Variants in ARL13B observed in about 807,000 individuals in gnomAD.
The protein encoded by ARL13B is ARF like GTPase 13B.
In ARL13B, 36 loss-of-function variants were observed where a neutral mutation model predicts 56.1. The observed-to-expected ratio is 0.64, with a 90% confidence interval of 0.49 to 0.85. The LOEUF (loss-of-function observed/expected upper bound fraction) is 0.85. Ranked by LOEUF, ARL13B falls within the 40% of genes least tolerant of loss-of-function variation. The pLI, the probability that ARL13B is intolerant of heterozygous loss-of-function variation, is 0.00. For missense variants in ARL13B, 519 were observed against 507.1 expected, an observed-to-expected ratio of 1.02 and a Z score of -0.23; for synonymous variants, 178 against 171.1, an observed-to-expected ratio of 1.04 and a Z score of -0.32.
intron 1 of ARL13B, 137 bp from the exon 2 acceptor site, chr3:93,995,737 A>T (rs933933915): frequency 1.4e-6 from 1 of 715,070 alleles, no homozygotes; most frequent in Non-Finnish European, 2.4e-6. Flanking sequence ...TCATCATTGT[A>T]CTCCCTAGCA....
In ARL13B at chr3:94,054,621, T is replaced by G. The variant is rs1163113786; in HGVS notation, c.*1358T>G. The G allele has an allele frequency of 1.1e-5, 4 of 376,226 alleles. No individual in the cohort carries two copies. The highest frequency in any genetic ancestry group is 3.7e-5 in the Admixed American group (1 of 27,222). 23.3% of individuals were successfully genotyped at this position (376,226 alleles called of 1,614,324 possible). ...ATAACATTAAGTACATTTTATGTCG[T>G]TTAATATAATTATTTACTTTAAAAA... On this transcript the variant is annotated 3_prime_UTR_variant, in exon 10 of 10. Transcript: ENST00000394222.
chr3:94,030,351 C>T (rs1003274597), intron 3 of ARL13B, among the ~76,000 whole-genome samples: 6 of 151,576 alleles, frequency 4.0e-5, no homozygotes, highest in African/African-American at 1.2e-4. Context: ...CTCAGCCTCC[C>T]GAGTAGCTGG....
chr3:94,009,214 G>T (rs2076183344), intron 3 of ARL13B, among the ~76,000 whole-genome samples: 1 of 151,966 alleles, frequency 6.6e-6, no homozygotes, highest in Non-Finnish European at 1.5e-5. Context: ...TTTTTCTTGT[G>T]AGCAGATCCT....
At position 94,054,763 on chromosome 3, in the gene ARL13B, T is replaced by TA. The variant is rs1170962405; in HGVS notation, c.*1501dup. On this transcript the variant is annotated 3_prime_UTR_variant, in exon 10 of 10. Transcript: ENST00000394222. ...ATTCTTGGAGTTTGTACATGGGACT[T>TA]AGCAACCACACTGAGTGAGGTAAAA... The TA allele has an allele frequency of 9.5e-6, 4 of 419,150 alleles. No individual in the cohort carries two copies. 26.0% of individuals were successfully genotyped at this position (419,150 alleles called of 1,614,324 possible).
At chr3:94,042,256 C>A (rs182633098) in intron 6 of ARL13B, among the ~76,000 whole-genome samples, 147 of 152,072 alleles carry the variant, frequency 9.7e-4, no homozygotes, top group African/African-American at 3.4e-3. Flanking sequence ...GCCTGAGGTT[C>A]ATTGATTCAT....
chr3:94,033,907 C>G (rs1344520289), intron 3 of ARL13B, among the ~76,000 whole-genome samples: 1 of 152,030 alleles, frequency 6.6e-6, no homozygotes, highest in East Asian at 1.9e-4. Context: ...AGCCAAATCC[C>G]AAACATGGGA....
chr3:94,029,338 A>ATATAT (rs2076626952), intron 3 of ARL13B, among the ~76,000 whole-genome samples: 9 of 59,024 alleles, frequency 1.5e-4, no homozygotes, highest in African/African-American at 5.9e-4. Context: ...ATATATATTT[A>ATATAT]TTTTTTTTTT....
intron 2 of ARL13B, among the ~76,000 whole-genome samples, chr3:93,997,302 G>A (rs1305081428): frequency 6.6e-6 from 1 of 152,124 alleles, no homozygotes; most frequent in African/African-American, 2.4e-5. Flanking sequence ...GATCTAAAGG[G>A]TAAGAATTGG....
intron 3 of ARL13B, among the ~76,000 whole-genome samples, chr3:94,017,496 G>A (rs2076357542): frequency 6.6e-6 from 1 of 152,148 alleles, no homozygotes; most frequent in Admixed American, 6.5e-5. Flanking sequence ...TGGGTAAAAG[G>A]TTAAACCAAT....
intron 1 of ARL13B, among the ~76,000 whole-genome samples, chr3:93,991,627 C>T (rs1266035743): frequency 6.6e-6 from 1 of 152,162 alleles, no homozygotes; most frequent in Non-Finnish European, 1.5e-5. Context: ...TGCTTCAGCC[C>T]CGCAGAGTGC....
At chr3:94,032,308 A>G (rs1477724608) in intron 3 of ARL13B, among the ~76,000 whole-genome samples, 1 of 152,196 alleles carries the variant, frequency 6.6e-6, no homozygotes, top group South Asian at 2.1e-4. Context: ...AAAATGCTCA[A>G]TATGCCTAAT....
intron 1 of ARL13B, chr3:93,988,612 A>G (rs566333885): frequency 4.2e-6 from 2 of 473,530 alleles, no homozygotes; most frequent in African/African-American, 4.1e-5. Context: ...GGGACTACTG[A>G]TAAGACATGG....
At chr3:94,041,919 G>A (rs1464560270) in intron 6 of ARL13B, among the ~76,000 whole-genome samples, 1 of 152,118 alleles carries the variant, frequency 6.6e-6, no homozygotes, top group African/African-American at 2.4e-5. Flanking sequence ...AATTAGCCAG[G>A]CGTGGCACGA....
intron 3 of ARL13B, among the ~76,000 whole-genome samples, chr3:94,024,377 CA>C (rs2076512416): frequency 6.6e-6 from 1 of 152,148 alleles, no homozygotes; most frequent in Non-Finnish European, 1.5e-5. Context: ...TGGCATCAAA[CA>C]AAACAGATTT....
Position 94,053,542 on chromosome 3 carries a change from T to C in ARL13B, c.*279T>C, listed in dbSNP as rs1272171800. On this transcript the variant is annotated 3_prime_UTR_variant, in exon 10 of 10. Transcript: ENST00000394222. ...ACTCTGGTTTATACATCCCCACTCA[T>C]GAGCATACTTCTGAAGGAAAACTTT... 1 of 566,234 alleles carries C rather than the reference T, an allele frequency of 1.8e-6. No individual in the cohort carries two copies. The highest frequency in any genetic ancestry group is 4.1e-5 in the East Asian group (1 of 24,284). 35.1% of individuals were successfully genotyped at this position (566,234 alleles called of 1,614,324 possible).
At chr3:93,985,291 A>G (rs933222855) in intron 1 of ARL13B, among the ~76,000 whole-genome samples, 16 of 152,174 alleles carry the variant, frequency 1.1e-4, no homozygotes, top group South Asian at 4.1e-4. Context: ...GCAGATTCTA[A>G]CCCTTACACA....
intron 2 of ARL13B, 53 bp from the exon 3 acceptor site, chr3:94,003,606 C>T (rs563937474): frequency 2.5e-5 from 39 of 1,585,610 alleles, no homozygotes; most frequent in Non-Finnish European, 3.3e-5. Flanking sequence ...GAAAAATTAA[C>T]GTTGTCAATT....
chr3:94,035,705 A>C (rs541265909), intron 4 of ARL13B, among the ~76,000 whole-genome samples: 6 of 152,190 alleles, frequency 3.9e-5, no homozygotes, highest in African/African-American at 1.4e-4. Context: ...ACATCATGGC[A>C]TGAAATTTGT....
intron 2 of ARL13B, among the ~76,000 whole-genome samples, chr3:93,999,908 A>T (rs1403463209): frequency 6.6e-6 from 1 of 152,222 alleles, no homozygotes; most frequent in African/African-American, 2.4e-5. Flanking sequence ...CCATCGTGTT[A>T]GTCCTCAATT....
Sources: allele counts gnomAD v4.1 joint callset (sites outside exome capture counted in the v4.1 genomes callset), GRCh38; gene constraint gnomAD v4.1.1; transcripts MANE v1.5; gene names NCBI Gene and HGNC (gene_info 2026-07-23, HGNC 2026-07-21).